The following CCSER1 variants were observed in gnomAD, a reference collection of about 807,000 sequenced individuals.
CCSER1 encodes the protein coiled-coil serine rich protein 1.
CCSER1 carries 41 observed loss-of-function variants against 82.0 expected under a neutral mutation model. The ratio of observed to expected loss-of-function variants is 0.50; its 90% CI spans 0.39 to 0.65. The LOEUF is 0.65. CCSER1 is among the 30% of genes least tolerant of loss of function. The pLI, the probability that CCSER1 is intolerant of heterozygous loss-of-function variation, is 0.00. For synonymous variants in CCSER1, 414 were observed against 383.9 expected, an observed-to-expected ratio of 1.08 and a Z score of -0.92; for missense variants, 1,119 against 1,064.2, an observed-to-expected ratio of 1.05 and a Z score of -0.72.
intron 10 of CCSER1, among the ~76,000 whole-genome samples, chr4:91,193,868 T>A (rs1735197777): frequency 6.6e-6 from 1 of 152,146 alleles, no homozygotes; most frequent in Non-Finnish European, 1.5e-5. Context: ...ATGATTGCTA[T>A]GTTTTGGGTA....
chr4:90,583,139 C>T (rs1427289552), intron 5 of CCSER1, among the ~76,000 whole-genome samples: 3 of 152,130 alleles, frequency 2.0e-5, no homozygotes, highest in Non-Finnish European at 4.4e-5. Flanking sequence ...AATTATATTA[C>T]ATTATTTCAC....
intron 9 of CCSER1, among the ~76,000 whole-genome samples, chr4:91,059,143 T>G (rs962014840): frequency 1.3e-5 from 2 of 151,972 alleles, no homozygotes; most frequent in African/African-American, 4.8e-5. Context: ...CAACCACCCT[T>G]GATAACATAC....
At chr4:91,432,684 C>G (rs1754400051) in intron 10 of CCSER1, among the ~76,000 whole-genome samples, 1 of 151,966 alleles carries the variant, frequency 6.6e-6, no homozygotes, top group African/African-American at 2.4e-5. Flanking sequence ...ACATATATTC[C>G]TTTATGTGAA....
chr4:91,407,063 C>T (rs1752745763), intron 10 of CCSER1, among the ~76,000 whole-genome samples: 1 of 152,100 alleles, frequency 6.6e-6, no homozygotes, highest in Non-Finnish European at 1.5e-5. Context: ...ACCCTTCTTG[C>T]TTTGCTGCAC....
At chr4:91,091,847 A>T (rs145996822) in intron 10 of CCSER1, among the ~76,000 whole-genome samples, 1 of 152,134 alleles carries the variant, frequency 6.6e-6, no homozygotes, top group African/African-American at 2.4e-5. Flanking sequence ...CACCTGGAGA[A>T]AAAGGGTGAA....
chr4:90,595,544 G>T (rs2148716533), intron 5 of CCSER1, among the ~76,000 whole-genome samples: 1 of 152,016 alleles, frequency 6.6e-6, no homozygotes, highest in East Asian at 1.9e-4. Context: ...AGACACGATT[G>T]AAATAATTAA....
intron 8 of CCSER1, among the ~76,000 whole-genome samples, chr4:90,833,425 C>T (rs1761387990): frequency 6.6e-6 from 1 of 152,146 alleles, no homozygotes; most frequent in African/African-American, 2.4e-5. Context: ...GGCTACTTCC[C>T]TTTCTCTAAT....
intron 5 of CCSER1, among the ~76,000 whole-genome samples, chr4:90,604,969 T>A (rs6840056): frequency 0.028 from 4,325 of 151,864 alleles, 121 homozygotes; most frequent in African/African-American, 0.068. Flanking sequence ...AAAAGCAGGC[T>A]GCCCCAGCCA....
chr4:90,776,510 T>G (rs1752912376), intron 7 of CCSER1, among the ~76,000 whole-genome samples: 1 of 152,198 alleles, frequency 6.6e-6, no homozygotes, highest in Non-Finnish European at 1.5e-5. Flanking sequence ...TGTCACCTAT[T>G]AAGGTAAGCT....
At chr4:90,247,354 A>G (rs997269710) in intron 1 of CCSER1, among the ~76,000 whole-genome samples, 1 of 152,148 alleles carries the variant, frequency 6.6e-6, no homozygotes, top group Non-Finnish European at 1.5e-5. Context: ...AGTTGTTGAT[A>G]CATCCTGGTT....
intron 10 of CCSER1, among the ~76,000 whole-genome samples, chr4:91,349,593 TA>T (rs1748328592): frequency 6.6e-6 from 1 of 152,186 alleles, no homozygotes; most frequent in South Asian, 2.1e-4. Context: ...CCAGTTTGTT[TA>T]CTTTATGGTA....
At position 91,598,688 on chromosome 4, in the gene CCSER1, CA is replaced by C; in HGVS notation, c.2339del (p.Asn780ThrfsTer11). On this transcript the variant is annotated frameshift_variant, in exon 11 of 11. Coordinates refer to ENST00000509176, the MANE Select transcript of CCSER1 (RefSeq NM_001145065.2). LOFTEE classifies it high-confidence loss of function. Reference sequence around the variant, plus strand: ...CGGCAGCGGACCAGACAAGCCCCTACAAAAACAAGACCTGTCAACTCCCAAG... The same window carrying C: ...CGGCAGCGGACCAGACAAGCCCCTACAAAACAAGACCTGTCAACTCCCAAG... ...YSAADQTSPY[K>X]NKTCQLPSLC... 6.4e-7 allele frequency: 1 copy of C among 1,551,452 alleles called. No individual in the cohort carries two copies. The highest frequency in any genetic ancestry group is 8.7e-7 in the Non-Finnish European group (1 of 1,146,912).
chr4:90,301,992 C>T (rs1240919203), intron 1 of CCSER1, among the ~76,000 whole-genome samples: 2 of 151,906 alleles, frequency 1.3e-5, no homozygotes, highest in Non-Finnish European at 2.9e-5. Flanking sequence ...GATTATTGAA[C>T]TTTTTACAGT....
intron 7 of CCSER1, among the ~76,000 whole-genome samples, chr4:90,801,922 T>TAC (rs1561161576): frequency 6.6e-6 from 1 of 152,164 alleles, no homozygotes; most frequent in Non-Finnish European, 1.5e-5. Flanking sequence ...TTCTTTAGAA[T>TAC]ATATGTATAA....
chr4:90,765,050 C>T (rs1751000462), intron 7 of CCSER1, among the ~76,000 whole-genome samples: 1 of 152,086 alleles, frequency 6.6e-6, no homozygotes, highest in African/African-American at 2.4e-5. Context: ...ATCATGACAA[C>T]CTTGTGTGTC....
chr4:90,321,021 T>C (rs1367702816), intron 3 of CCSER1, among the ~76,000 whole-genome samples: 1 of 152,112 alleles, frequency 6.6e-6, no homozygotes, highest in African/African-American at 2.4e-5. Context: ...ATCAAGGTAA[T>C]TGGGTTATCT....
At chr4:90,524,844 C>T (rs1773557750) in intron 5 of CCSER1, among the ~76,000 whole-genome samples, 1 of 151,908 alleles carries the variant, frequency 6.6e-6, no homozygotes, top group Admixed American at 6.6e-5. Flanking sequence ...TTCCTAAATT[C>T]CTTCAGTTGT....
intron 10 of CCSER1, among the ~76,000 whole-genome samples, chr4:91,380,938 C>A (rs191660033): frequency 6.6e-6 from 1 of 152,118 alleles, no homozygotes; most frequent in Non-Finnish European, 1.5e-5. Flanking sequence ...ATAGGACAGG[C>A]CTAGTGGTGA....
intron 8 of CCSER1, among the ~76,000 whole-genome samples, chr4:90,916,872 T>G (rs1257148998): frequency 6.6e-6 from 1 of 151,190 alleles, no homozygotes; most frequent in Non-Finnish European, 1.5e-5. Context: ...CAGACACTTC[T>G]CAAAAGAAGA....
Sources: allele counts gnomAD v4.1 joint callset (sites outside exome capture counted in the v4.1 genomes callset), GRCh38; gene constraint gnomAD v4.1.1; transcripts MANE v1.5; gene names NCBI Gene and HGNC (gene_info 2026-07-23, HGNC 2026-07-21).